The following IMMP2L variants were observed in gnomAD, a reference collection of about 807,000 sequenced individuals.
IMMP2L encodes the protein mitochondrial inner membrane protease subunit 2.
Under a neutral mutation model 19.3 loss-of-function variants are expected in IMMP2L, and 18 were observed. The observed-to-expected ratio is 0.93, with a 90% CI of 0.64 to 1.38. The LOEUF is 1.38. Among genes scored for constraint, IMMP2L ranks in the 40% most tolerant of loss-of-function variants. The pLI is 0.00. For synonymous variants in IMMP2L, 76 were observed against 73.0 expected (o/e 1.04, Z -0.21); for missense variants, 233 against 218.2 (o/e 1.07, Z -0.43).
At chr7:111,186,416 A>G (rs1270868876) in intron 3 of IMMP2L, among the ~76,000 whole-genome samples, 2 of 151,578 alleles carry the variant, frequency 1.3e-5, no homozygotes, top group Non-Finnish European at 1.5e-5. Flanking sequence ...ATCTAGAACC[A>G]TATCTTTCAA....
chr7:111,176,843 T>A (rs1420076452), intron 3 of IMMP2L, among the ~76,000 whole-genome samples: 1 of 152,060 alleles, frequency 6.6e-6, no homozygotes, highest in Non-Finnish European at 1.5e-5. Context: ...TCTTATTACC[T>A]ATAGCTTCTC....
At chr7:110,694,904 G>A (rs963159028) in intron 5 of IMMP2L, among the ~76,000 whole-genome samples, 1 of 152,112 alleles carries the variant, frequency 6.6e-6, no homozygotes, top group African/African-American at 2.4e-5. Flanking sequence ...ATGAAATACT[G>A]ATAAATGAAC....
chr7:110,972,784 C>T (rs1165654739), intron 3 of IMMP2L, among the ~76,000 whole-genome samples: 3 of 152,046 alleles, frequency 2.0e-5, no homozygotes, highest in African/African-American at 7.2e-5. Context: ...AGAGAGAGTG[C>T]TGCCTATGGA....
At chr7:110,703,394 T>A (rs547180492) in intron 5 of IMMP2L, among the ~76,000 whole-genome samples, 5 of 152,170 alleles carry the variant, frequency 3.3e-5, no homozygotes, top group African/African-American at 7.2e-5. Context: ...ATGTAGTTTT[T>A]TTTTCTTGTA....
chr7:111,170,638 C>T (rs1484263605), intron 3 of IMMP2L, among the ~76,000 whole-genome samples: 2 of 151,810 alleles, frequency 1.3e-5, no homozygotes, highest in Non-Finnish European at 2.9e-5. Flanking sequence ...GACACATCTC[C>T]TAGAATGTCA....
At chr7:110,918,452 C>CTTTTTTTTTTTTTTT (rs1029668134) in intron 4 of IMMP2L, among the ~76,000 whole-genome samples, 15 of 130,480 alleles carry the variant, frequency 1.1e-4, no homozygotes, top group African/African-American at 4.3e-4. Flanking sequence ...TTCTTTTTTT[C>CTTTTTTTTTTTTTTT]TTTTTTTTTT....
chr7:110,810,114 T>C (rs1280409364), intron 5 of IMMP2L, among the ~76,000 whole-genome samples: 1 of 152,088 alleles, frequency 6.6e-6, no homozygotes, highest in African/African-American at 2.4e-5. Context: ...AACTCTCAGC[T>C]GGAAATGTTT....
At chr7:111,147,388 C>T (rs908977263) in intron 3 of IMMP2L, among the ~76,000 whole-genome samples, 12 of 152,058 alleles carry the variant, frequency 7.9e-5, no homozygotes, top group Non-Finnish European at 1.5e-4. Context: ...TCTTTCCCAA[C>T]GGTTTCCCTC....
At chr7:111,080,259 G>C (rs1795776956) in intron 3 of IMMP2L, among the ~76,000 whole-genome samples, 1 of 151,988 alleles carries the variant, frequency 6.6e-6, no homozygotes, top group South Asian at 2.1e-4. Context: ...CATGTTCTGT[G>C]GTACTTGGAG....
chr7:111,495,914 G>C (rs1213585122), intron 2 of IMMP2L, among the ~76,000 whole-genome samples: 1 of 152,074 alleles, frequency 6.6e-6, no homozygotes, highest in Non-Finnish European at 1.5e-5. Context: ...CAAACTTTGT[G>C]CTTTTAAGTG....
At chr7:110,748,891 G>A (rs547634328) in intron 5 of IMMP2L, among the ~76,000 whole-genome samples, 28 of 152,040 alleles carry the variant, frequency 1.8e-4, no homozygotes, top group African/African-American at 6.3e-4. Flanking sequence ...ATGGCAAAAC[G>A]GACAAATGGG....
chr7:111,225,961 G>T (rs935110295), intron 3 of IMMP2L, among the ~76,000 whole-genome samples: 1 of 152,066 alleles, frequency 6.6e-6, no homozygotes, highest in Non-Finnish European at 1.5e-5. Flanking sequence ...CTTAGGCAGT[G>T]GCTGGTAGGG....
chr7:110,811,262 T>A (rs115227615), intron 5 of IMMP2L, among the ~76,000 whole-genome samples: 2 of 152,200 alleles, frequency 1.3e-5, no homozygotes, highest in African/African-American at 4.8e-5. Context: ...ATTTTCCTCA[T>A]ACAGTGGAGA....
At chr7:111,191,254 G>A (rs977490900) in intron 3 of IMMP2L, among the ~76,000 whole-genome samples, 1 of 151,894 alleles carries the variant, frequency 6.6e-6, no homozygotes, top group Non-Finnish European at 1.5e-5. Flanking sequence ...CCAAAATGCA[G>A]GTAAGAAAAC....
chr7:111,250,627 A>T (rs930174047), intron 3 of IMMP2L, among the ~76,000 whole-genome samples: 2 of 152,182 alleles, frequency 1.3e-5, no homozygotes, highest in African/African-American at 4.8e-5. Context: ...GATTTTTTAC[A>T]AACCTGACAA....
intron 5 of IMMP2L, among the ~76,000 whole-genome samples, chr7:110,695,287 G>A (rs1393377229): frequency 6.6e-6 from 1 of 152,104 alleles, no homozygotes; most frequent in Non-Finnish European, 1.5e-5. Context: ...AACCTTCTGG[G>A]TTCAAGCTGT....
At chr7:111,281,116 GAGAAAGAGAGAAAGAGAGAAAGAC>G (rs1819668766) in intron 3 of IMMP2L, among the ~76,000 whole-genome samples, 4 of 64,622 alleles carry the variant, frequency 6.2e-5, no homozygotes, top group African/African-American at 2.3e-4. Context: ...GAGAGAAAGA[GAGAAAGAGAGAAAGAGAGAAAGAC>G]AGAAAGACAG....
chr7:111,326,956 C>A (rs1370240522), intron 3 of IMMP2L, among the ~76,000 whole-genome samples: 2 of 151,810 alleles, frequency 1.3e-5, no homozygotes, highest in African/African-American at 2.4e-5. Context: ...GATATGGAAT[C>A]AACCTAAGTG....
At chr7:110,862,535 AG>A (rs1348143938) in intron 5 of IMMP2L, among the ~76,000 whole-genome samples, 1 of 150,838 alleles carries the variant, frequency 6.6e-6, no homozygotes, top group East Asian at 2.0e-4. Context: ...TTGTAGAGAC[AG>A]GGTTTCAGTG....
Sources: gnomAD v4.1 joint callset for allele counts (sites outside exome capture counted in the v4.1 genomes callset) on GRCh38, gnomAD v4.1.1 for gene constraint, MANE v1.5 for transcripts, NCBI Gene and HGNC (gene_info 2026-07-23, HGNC 2026-07-21) for gene names.